The following TRIM24 variants were observed in gnomAD, a reference collection of about 807,000 sequenced individuals.
The protein encoded by TRIM24 is transcription intermediary factor 1-alpha.
TRIM24 carries 29 observed loss-of-function variants against 123.9 expected under a neutral mutation model. The ratio of observed to expected loss-of-function variants is 0.23; its 90% confidence interval spans 0.17 to 0.32. The LOEUF (loss-of-function observed/expected upper bound fraction) is 0.32. Ranked by LOEUF, TRIM24 falls within the 10% of genes least tolerant of loss-of-function variation. TRIM24 has a pLI of 1.00. For missense variants in TRIM24, 932 were observed against 1,295.3 expected (o/e 0.72, Z 4.31); for synonymous variants, 456 against 461.1 (o/e 0.99, Z 0.14).
chr7:138,498,437 C>T (rs543710020), intron 1 of TRIM24, among the ~76,000 whole-genome samples: 1 of 152,068 alleles, frequency 6.6e-6, no homozygotes, highest in African/African-American at 2.4e-5. Context: ...GTTGGCCAGG[C>T]TGGTCTTGAA....
intron 1 of TRIM24, among the ~76,000 whole-genome samples, chr7:138,488,769 T>G (rs1795710987): frequency 6.6e-6 from 1 of 152,202 alleles, no homozygotes; most frequent in South Asian, 2.1e-4. Context: ...TACTTCCAAC[T>G]ATGTGGTCAG....
chr7:138,485,500 C>G (rs1293422862), intron 1 of TRIM24, among the ~76,000 whole-genome samples: 1 of 152,118 alleles, frequency 6.6e-6, no homozygotes, highest in East Asian at 1.9e-4. Context: ...CTGTGCCTCC[C>G]CCATCCCCTC....
intron 1 of TRIM24, among the ~76,000 whole-genome samples, chr7:138,473,350 C>T (rs1020487276): frequency 1.3e-5 from 2 of 152,234 alleles, no homozygotes; most frequent in African/African-American, 2.4e-5. Flanking sequence ...TCTCTACTTA[C>T]TGTATGCAGA....
At chr7:138,525,145 T>G in intron 4 of TRIM24, 96 bp from the exon 5 acceptor site, 1 of 562,312 alleles carries the variant, frequency 1.8e-6, no homozygotes, top group East Asian at 3.6e-5. Context: ...ATATAAATTC[T>G]TTATAATCCT....
intron 1 of TRIM24, among the ~76,000 whole-genome samples, chr7:138,482,458 G>C (rs981338278): frequency 6.6e-6 from 1 of 152,146 alleles, no homozygotes; most frequent in Non-Finnish European, 1.5e-5. Context: ...ATATTATTAT[G>C]CTTCTTAATT....
At position 138,461,007 on chromosome 7, in the gene TRIM24, G is replaced by T. The variant is rs1219065875; in HGVS notation, c.364+95G>T. On this transcript the variant is annotated intron_variant, in intron 1 of 18. Coordinates refer to ENST00000343526, the MANE Select transcript of TRIM24 (RefSeq NM_015905.3). Reference sequence around the variant, plus strand: ...CGCGACCCGCTGTCATGTCGCCGCCGCCCGGGGTGCGCGGCGGGGGAGGGG... The same window carrying T: ...CGCGACCCGCTGTCATGTCGCCGCCTCCCGGGGTGCGCGGCGGGGGAGGGG... 6.9e-6 allele frequency: 8 copies of T among 1,162,752 alleles called. No individual in the cohort carries two copies. In the East Asian group the frequency reaches 9.8e-5, roughly 14 times the overall value. 72.0% of individuals were successfully genotyped at this position (1,162,752 alleles called of 1,614,324 possible).
intron 11 of TRIM24, among the ~76,000 whole-genome samples, chr7:138,571,241 G>A (rs1455460989): frequency 6.6e-6 from 1 of 152,196 alleles, no homozygotes; most frequent in Non-Finnish European, 1.5e-5. Flanking sequence ...GGAGGCTGTG[G>A]TGAGCTGAGA....
At chr7:138,562,450 G>A (rs1299456632) in intron 9 of TRIM24, among the ~76,000 whole-genome samples, 1 of 152,192 alleles carries the variant, frequency 6.6e-6, no homozygotes, top group Admixed American at 6.5e-5. Context: ...GTGGTTCACA[G>A]CACACAAGTC....
intron 1 of TRIM24, 76 bp downstream of exon 1, chr7:138,460,988 C>T: frequency 7.7e-7 from 1 of 1,300,784 alleles, no homozygotes. Context: ...GCGGCGCGAC[C>T]CGCTGTCATG....
intron 1 of TRIM24, among the ~76,000 whole-genome samples, chr7:138,466,461 T>G (rs1563020262): frequency 8.5e-6 from 1 of 117,284 alleles, no homozygotes; most frequent in East Asian, 2.1e-4. Context: ...AAACTTAAGT[T>G]GCTTTTTTTT....
chr7:138,528,075 A>G (rs992019455), intron 5 of TRIM24, among the ~76,000 whole-genome samples: 1 of 152,178 alleles, frequency 6.6e-6, no homozygotes, highest in African/African-American at 2.4e-5. Context: ...TCAGGCTTAC[A>G]ATGACTCTTG....
intron 4 of TRIM24, among the ~76,000 whole-genome samples, chr7:138,521,386 A>T (rs75857184): frequency 3.4e-3 from 512 of 152,346 alleles, no homozygotes; most frequent in African/African-American, 0.012. Flanking sequence ...GAAGAGGGTG[A>T]AAAGTACCAA....
intron 9 of TRIM24, among the ~76,000 whole-genome samples, chr7:138,561,752 T>C (rs1797432899): frequency 6.6e-6 from 1 of 152,178 alleles, no homozygotes; most frequent in Non-Finnish European, 1.5e-5. Flanking sequence ...AAGAAAGGCT[T>C]AGTTAGATCT....
chr7:138,567,923 T>C (rs1797569194), intron 10 of TRIM24, among the ~76,000 whole-genome samples: 1 of 152,178 alleles, frequency 6.6e-6, no homozygotes, highest in Admixed American at 6.6e-5. Flanking sequence ...GTGAGTATAT[T>C]AAATTTCCTA....
chr7:138,467,220 C>A (rs1327317230), intron 1 of TRIM24, among the ~76,000 whole-genome samples: 1 of 152,132 alleles, frequency 6.6e-6, no homozygotes, highest in African/African-American at 2.4e-5. Context: ...AAGTCATTTG[C>A]ATTTCTTTAC....
At chr7:138,513,383 G>A (rs1164714229) in intron 2 of TRIM24, among the ~76,000 whole-genome samples, 1 of 152,020 alleles carries the variant, frequency 6.6e-6, no homozygotes, top group Non-Finnish European at 1.5e-5. Context: ...TATCAGTCTG[G>A]TCTCACATTG....
intron 3 of TRIM24, among the ~76,000 whole-genome samples, chr7:138,518,624 T>G (rs1796446413): frequency 2.6e-5 from 4 of 152,176 alleles, no homozygotes; most frequent in African/African-American, 9.7e-5. Context: ...GCATTTTTAT[T>G]ATATTTTCTT....
At chr7:138,581,919 A>T (rs893447503) in intron 17 of TRIM24, 148 bp downstream of exon 17, 13 of 555,188 alleles carry the variant, frequency 2.3e-5, no homozygotes, top group Non-Finnish European at 3.3e-5. Flanking sequence ...CTTTGATCCT[A>T]TGTAGGTACA....
chr7:138,577,330 A>G, intron 13 of TRIM24, 90 bp from the exon 14 acceptor site: 1 of 1,027,732 alleles, frequency 9.7e-7, no homozygotes, highest in South Asian at 2.3e-5. Flanking sequence ...TTGTGAAGAT[A>G]CAGTATTTTA....
Sources: allele counts gnomAD v4.1 joint callset (sites outside exome capture counted in the v4.1 genomes callset), GRCh38; gene constraint gnomAD v4.1.1; transcripts MANE v1.5; gene names NCBI Gene and HGNC (gene_info 2026-07-23, HGNC 2026-07-21).